The following EYS variants were observed in gnomAD, a reference collection of about 807,000 sequenced individuals.
EYS encodes protein eyes shut homolog.
Under a neutral mutation model 282.1 loss-of-function variants are expected in EYS, and 250 were observed. The ratio of observed to expected loss-of-function variants is 0.89; its 90% CI spans 0.80 to 0.98. EYS has a LOEUF of 0.98. Ranked by LOEUF, EYS falls within the 50% of genes least tolerant of loss-of-function variation. The probability of loss-of-function intolerance (pLI) is 0.00; values close to 1 mark genes in which losing one functional copy is unlikely to be tolerated. For synonymous variants in EYS, 1,355 were observed against 1,282.9 expected, an observed-to-expected ratio of 1.06 and a Z score of -1.20; for missense variants, 4,016 against 3,709.0, an observed-to-expected ratio of 1.08 and a Z score of -2.15.
chr6:65,690,105 A>T (rs909411222), intron 1 of EYS, among the ~76,000 whole-genome samples: 2 of 150,296 alleles, frequency 1.3e-5, no homozygotes, highest in Admixed American at 6.7e-5. Context: ...GCAGAAGTAC[A>T]GTATACAGAG....
Position 65,452,053 on chromosome 6 carries a change from TTAG to T in EYS, c.862+38538_862+38540del, listed in dbSNP as rs1240437894. Among the ~76,000 whole-genome samples the T allele has an allele frequency of 4.0e-5, 6 of 151,652 alleles. No homozygotes were observed. The East Asian group carries it at 9.6e-4, about 24-fold the overall frequency. ...TTTTTAATATGCTTAAATGCAACTA[TTAG>T]TAGAATTTAATAATAATTTAATTAA... On this transcript the variant is annotated intron_variant, in intron 5 of 42. Coordinates refer to ENST00000503581, the MANE Select transcript of EYS (RefSeq NM_001142800.2).
chr6:65,277,242 G>A (rs551303024), intron 12 of EYS, among the ~76,000 whole-genome samples: 180 of 152,050 alleles, frequency 1.2e-3, no homozygotes, highest in African/African-American at 4.1e-3. Context: ...AGACCTTCCT[G>A]GCCAACATGA....
At chr6:63,896,438 T>C (rs1451144840) in intron 35 of EYS, among the ~76,000 whole-genome samples, 2 of 152,292 alleles carry the variant, frequency 1.3e-5, no homozygotes, top group Admixed American at 6.5e-5. Flanking sequence ...CACAGCAAAA[T>C]AGAGTGGGAA....
At chr6:64,998,700 G>A (rs1190957073) in intron 13 of EYS, among the ~76,000 whole-genome samples, 2 of 152,098 alleles carry the variant, frequency 1.3e-5, no homozygotes, top group African/African-American at 2.4e-5. Flanking sequence ...ACTACAAATT[G>A]TTAATAAATA....
At chr6:63,743,173 G>T (rs904138852) in intron 41 of EYS, among the ~76,000 whole-genome samples, 1 of 152,120 alleles carries the variant, frequency 6.6e-6, no homozygotes, top group Non-Finnish European at 1.5e-5. Context: ...TGTTCCAGTA[G>T]ATGCATAGTG....
intron 18 of EYS, among the ~76,000 whole-genome samples, chr6:64,892,032 C>T (rs938361245): frequency 1.3e-5 from 2 of 151,786 alleles, no homozygotes; most frequent in Non-Finnish European, 1.5e-5. Flanking sequence ...CACTAAGATG[C>T]ATTTTAACAG....
chr6:64,631,405 A>G (rs890534497), intron 22 of EYS: 1 of 152,180 alleles, frequency 6.6e-6, no homozygotes. Flanking sequence ...TGGCCTAGAT[A>G]CTTTCCCATA....
intron 12 of EYS, among the ~76,000 whole-genome samples, chr6:65,150,175 C>T (rs936742619): frequency 3.3e-5 from 5 of 151,880 alleles, no homozygotes; most frequent in African/African-American, 1.2e-4. Context: ...TATCACCTGT[C>T]ATTATGGGGG....
At chr6:63,798,075 C>T (rs1770690165) in intron 37 of EYS, 2 of 152,136 alleles carry the variant, frequency 1.3e-5, no homozygotes. Context: ...CATGGGCTTA[C>T]TGCAAGTATA....
At chr6:63,825,367 C>A (rs1230202287) in intron 36 of EYS, among the ~76,000 whole-genome samples, 1 of 152,182 alleles carries the variant, frequency 6.6e-6, no homozygotes, top group Non-Finnish European at 1.5e-5. Flanking sequence ...TTCTAGGGCC[C>A]CGCCCACTGC....
intron 1 of EYS, among the ~76,000 whole-genome samples, chr6:65,658,895 A>C (rs1767914249): frequency 6.6e-6 from 1 of 150,894 alleles, no homozygotes; most frequent in Non-Finnish European, 1.5e-5. Flanking sequence ...AGCAAGCATT[A>C]TAAAAATGAT....
intron 2 of EYS, among the ~76,000 whole-genome samples, chr6:65,627,387 C>T (rs559908839): frequency 2.6e-5 from 4 of 152,266 alleles, no homozygotes; most frequent in African/African-American, 4.8e-5. Context: ...ATCCCTCGCT[C>T]GCTCTCGGTG....
chr6:65,170,671 A>G (rs1399991424), intron 12 of EYS, among the ~76,000 whole-genome samples: 1 of 151,506 alleles, frequency 6.6e-6, no homozygotes, highest in Non-Finnish European at 1.5e-5. Flanking sequence ...TTTAAATATT[A>G]TTAAAATACT....
rs200112444 is a variant in EYS at position 65,401,648 on chromosome 6, TA to T, written c.1184+829del. On this transcript the variant is annotated intron_variant, in intron 7 of 42. Transcript: ENST00000503581. ...AAAGTCACATTTCAAAAGGTTAATT[TA>T]AAAAAAATCTTTAAATTTGGATTCC... is the stretch of plus-strand genomic sequence containing the variant. Among the ~76,000 whole-genome samples, 701 of 151,850 alleles carry T rather than the reference TA, an allele frequency of 4.6e-3. 9 individuals are homozygous for T. Among genetic ancestry groups the T allele is most frequent in the African/African-American group, 0.016 (650 of 41,500 alleles).
chr6:64,956,098 A>G (rs1769693740), intron 14 of EYS, among the ~76,000 whole-genome samples: 1 of 152,232 alleles, frequency 6.6e-6, no homozygotes, highest in Non-Finnish European at 1.5e-5. Flanking sequence ...AAAAATTCCA[A>G]AATGTATATG....
chr6:64,453,231 A>G (rs1775426563), intron 26 of EYS, among the ~76,000 whole-genome samples: 1 of 152,162 alleles, frequency 6.6e-6, no homozygotes, highest in African/African-American at 2.4e-5. Context: ...GAAGACATTT[A>G]TGCAGCCAAA....
chr6:64,753,330 A>T (rs1376309410), intron 22 of EYS, among the ~76,000 whole-genome samples: 1 of 152,090 alleles, frequency 6.6e-6, no homozygotes, highest in East Asian at 1.9e-4. Context: ...AACAAACCCA[A>T]AAAACAAAAA....
chr6:64,988,736 G>C (rs867392672), intron 14 of EYS, among the ~76,000 whole-genome samples: 3 of 151,722 alleles, frequency 2.0e-5, no homozygotes, highest in East Asian at 3.9e-4. Context: ...ATATTGTTAA[G>C]AGTTAGCAGT....
intron 13 of EYS, among the ~76,000 whole-genome samples, chr6:65,002,038 A>C (rs964223009): frequency 3.3e-5 from 3 of 89,944 alleles, no homozygotes; most frequent in African/African-American, 1.2e-4. Flanking sequence ...AATATTTATG[A>C]AGAACTTTTA....
Sources: gnomAD v4.1 joint callset for allele counts (sites outside exome capture counted in the v4.1 genomes callset) on GRCh38, gnomAD v4.1.1 for gene constraint, MANE v1.5 for transcripts, NCBI Gene and HGNC (gene_info 2026-07-23, HGNC 2026-07-21) for gene names.